Variants in XIRP2 observed in about 807,000 individuals in gnomAD.
XIRP2 encodes the protein xin actin binding repeat containing 2, also known as xin actin-binding repeat-containing protein 2.
In XIRP2, 236 loss-of-function variants were observed where a neutral mutation model predicts 277.0. That is an observed-to-expected ratio of 0.85 (90% confidence interval 0.77 to 0.95). XIRP2 has a LOEUF of 0.95. Ranked by LOEUF, XIRP2 falls within the 40% of genes least tolerant of loss-of-function variation. The pLI, the probability that XIRP2 is intolerant of heterozygous loss-of-function variation, is 0.00. For missense variants in XIRP2, 4,640 were observed against 4,157.5 expected, an observed-to-expected ratio of 1.12 and a Z score of -3.19; for synonymous variants, 1,490 against 1,416.5, an observed-to-expected ratio of 1.05 and a Z score of -1.17.
At chr2:166,979,587 T>C (rs1031591852) in intron 2 of XIRP2, among the ~76,000 whole-genome samples, 1 of 151,806 alleles carries the variant, frequency 6.6e-6, no homozygotes. Context: ...AACGGTTGTT[T>C]TTACCATGAA....
At chr2:167,023,534 C>T (rs1005007994) in intron 2 of XIRP2, among the ~76,000 whole-genome samples, 1 of 151,954 alleles carries the variant, frequency 6.6e-6, no homozygotes, top group African/African-American at 2.4e-5. Flanking sequence ...CTTGCCCATG[C>T]CTATGTCCTG....
rs529687401 is a variant in XIRP2 at position 167,044,784 on chromosome 2, C to T, written c.409-91125C>T. Among the ~76,000 whole-genome samples, 5 of 152,192 alleles carry T rather than the reference C, an allele frequency of 3.3e-5. No individual in the cohort carries two copies. The South Asian group carries it at 6.2e-4, about 19-fold the overall frequency. ...AACAAATGGAAAAATATTCCATGCT[C>T]ATTGACTGGAAGAATCAATATCATC... is the stretch of plus-strand genomic sequence containing the variant. On this transcript the variant is annotated intron_variant, in intron 2 of 10. Transcript: ENST00000409195.
At position 167,258,698 on chromosome 2, in the gene XIRP2, C is replaced by T. The variant is rs1695741643; in HGVS notation, c.*881C>T. The T allele has an allele frequency of 6.2e-7, 1 of 1,613,048 alleles. No homozygotes were observed. The highest frequency in any genetic ancestry group is 8.5e-7 in the Non-Finnish European group (1 of 1,179,532). On this transcript the variant is annotated 3_prime_UTR_variant, in exon 11 of 11. Transcript: ENST00000409195. ...TAACAATTATGTAGCAGTCTCATAT[C>T]TGAATAATTGCAGGCAGAAGACATC...
At chr2:167,118,210 T>C (rs1690948092) in intron 2 of XIRP2, among the ~76,000 whole-genome samples, 1 of 152,156 alleles carries the variant, frequency 6.6e-6, no homozygotes, top group Admixed American at 6.5e-5. Flanking sequence ...CTGGGTGCAG[T>C]GGCTCACGCC....
chr2:167,189,502 G>A (rs571623977), intron 3 of XIRP2, among the ~76,000 whole-genome samples: 2 of 152,220 alleles, frequency 1.3e-5, no homozygotes, highest in Admixed American at 6.5e-5. Flanking sequence ...TGAAAGCATT[G>A]AAGTTACACT....
In XIRP2 at chr2:167,246,011, C is replaced by G. The variant is rs1695248187; in HGVS notation, c.4619C>G (p.Thr1540Ser). 10 of 1,613,030 alleles carry G rather than the reference C, an allele frequency of 6.2e-6. No individual in the cohort carries two copies. In the Admixed American group the frequency reaches 1.5e-4, roughly 24 times the overall value. ...ACACCACTTCATGAATTTAATGAAACTAGAGTAGAAAAGATAGAAATTATT... is the reference window on the plus strand; with the variant it reads ...ACACCACTTCATGAATTTAATGAAAGTAGAGTAGAAAAGATAGAAATTATT... Reference protein sequence around the residue: ...ETTPLHEFNETRVEKIEIIGK... With the variant: ...ETTPLHEFNESRVEKIEIIGK... The change falls in exon 9 of 11, where the codon ACT becomes AGT. Residue 1540 changes from threonine (T) to serine (S), a missense_variant. Thr to Ser is a moderately conservative substitution (Grantham distance 58). Coordinates refer to ENST00000409195, the MANE Select transcript of XIRP2 (RefSeq NM_152381.6).
In XIRP2 at chr2:167,213,272, C is replaced by A. The variant is rs148052995; in HGVS notation, c.723+2377C>A. Among the ~76,000 whole-genome samples, 181 of 152,200 alleles carry A rather than the reference C, an allele frequency of 1.2e-3. 5 individuals carry two copies. The East Asian group carries it at 0.032, about 27-fold the overall frequency. ...TATTCCCTTTACCTTTTTTAATACT[C>A]ACAATAAATCTGTGAGAAAAATATT... On this transcript the variant is annotated intron_variant, in intron 4 of 10. Transcript: ENST00000409195.
chr2:167,113,286 C>T (rs556436553), intron 2 of XIRP2, among the ~76,000 whole-genome samples: 156 of 152,256 alleles, frequency 1.0e-3, no homozygotes, highest in Non-Finnish European at 1.9e-3. Flanking sequence ...GAATCTAAAT[C>T]TCTTATAGGT....
intron 3 of XIRP2, among the ~76,000 whole-genome samples, chr2:167,193,672 GT>G (rs1693413918): frequency 6.6e-6 from 1 of 152,052 alleles, no homozygotes; most frequent in South Asian, 2.1e-4. Context: ...GAGGCTAGGA[GT>G]TCAACACCAG....
rs545638319 is a variant in XIRP2, at chr2:167,177,489, TA to T, written c.563-33239del. 7.2e-5 allele frequency among the ~76,000 whole-genome samples: 11 copies of T among 152,166 alleles called. No individual in the cohort carries two copies. In the South Asian group the frequency reaches 8.3e-4, roughly 11 times the overall value. ...TTAAGTATTCTTCAAAAACATTTTA[TA>T]AAAAAAGTCTGCTTATAATCATTCT... On this transcript the variant is annotated intron_variant, in intron 3 of 10. Coordinates refer to ENST00000409195, the MANE Select transcript of XIRP2 (RefSeq NM_152381.6).
chr2:167,010,073 G>A (rs1199363622), intron 2 of XIRP2, among the ~76,000 whole-genome samples: 3 of 151,874 alleles, frequency 2.0e-5, no homozygotes, highest in Middle Eastern at 3.2e-3. Flanking sequence ...AGTTTAATTA[G>A]ATCCCATTTG....
chr2:166,936,023 C>T (rs940719727), intron 2 of XIRP2, among the ~76,000 whole-genome samples: 1 of 152,200 alleles, frequency 6.6e-6, no homozygotes, highest in African/African-American at 2.4e-5. Flanking sequence ...TTTGCAGTCC[C>T]ACCAACAGTG....
intron 4 of XIRP2, among the ~76,000 whole-genome samples, chr2:167,216,196 C>CTAAT: frequency 1.3e-5 from 1 of 76,868 alleles, no homozygotes; most frequent in South Asian, 5.7e-4. Flanking sequence ...AAAACCTAGG[C>CTAAT]ATTACCATTC....
chr2:167,068,397 GTTTGT>G (rs773477229), intron 2 of XIRP2, among the ~76,000 whole-genome samples: 3 of 152,066 alleles, frequency 2.0e-5, no homozygotes, highest in Non-Finnish European at 2.9e-5. Flanking sequence ...TGTTACAATT[GTTTGT>G]TTTATCTCCT....
Position 167,241,778 on chromosome 2 carries a change from C to T in XIRP2, c.1044C>T (p.Val348=). ...SQFHQYVQET[V]IDTPEDEEIP... is the part of the protein sequence containing the mutation. The stretch of plus-strand genomic sequence containing the variant: ...CCTGGTGTGTTTTTCTGTTTGTAGT[C>T]ATTGATACACCTGAGGATGAAGAGA... The change falls in exon 8 of 11, where the codon GTC becomes GTT. Residue 348 remains valine, a splice_region_variant and synonymous_variant. Transcript: ENST00000409195. 1 of 1,602,210 alleles carries T rather than the reference C, an allele frequency of 6.2e-7. No individual in the cohort carries two copies. The highest frequency in any genetic ancestry group is 8.5e-7 in the Non-Finnish European group (1 of 1,175,798).
chr2:167,031,535 C>T (rs1688348881), intron 2 of XIRP2, among the ~76,000 whole-genome samples: 1 of 151,844 alleles, frequency 6.6e-6, no homozygotes, highest in Non-Finnish European at 1.5e-5. Flanking sequence ...TTGCAGATGA[C>T]AACTGTATAT....
At chr2:167,000,794 A>T (rs895049126) in intron 2 of XIRP2, among the ~76,000 whole-genome samples, 11 of 152,128 alleles carry the variant, frequency 7.2e-5, no homozygotes, top group Admixed American at 2.6e-4. Flanking sequence ...TTTTGATACA[A>T]TCATAATGTC....
intron 1 of XIRP2, among the ~76,000 whole-genome samples, chr2:166,898,730 C>T (rs556183385): frequency 3.0e-4 from 45 of 152,206 alleles, no homozygotes; most frequent in African/African-American, 1.1e-3. Context: ...TTTCCTACTA[C>T]CACACAGATC....
Position 167,250,888 on chromosome 2 carries a change from C to T in XIRP2, c.9496C>T (p.His3166Tyr). 1 of 1,613,228 alleles carries T rather than the reference C, an allele frequency of 6.2e-7. No homozygotes were observed. Among genetic ancestry groups the T allele is most frequent in the Non-Finnish European group, 8.5e-7 (1 of 1,179,634 alleles). The part of the protein sequence containing the change: ...RRPMSQKSEI[H>Y]RANTSPSPPR... ...GCCCATGTCGCAAAAATCTGAAATT[C>T]ACAGAGCAAACACTTCCCCTTCTCC... The change falls in exon 9 of 11, where the codon CAC becomes TAC. Residue 3166 changes from histidine (H) to tyrosine (Y), a missense_variant. By Grantham distance (83) the His-to-Tyr change is moderately conservative. Transcript: ENST00000409195.
Sources: gnomAD v4.1 joint callset for allele counts (sites outside exome capture counted in the v4.1 genomes callset) on GRCh38, gnomAD v4.1.1 for gene constraint, MANE v1.5 for transcripts, NCBI Gene and HGNC (gene_info 2026-07-23, HGNC 2026-07-21) for gene names.